ROR2: variants seen among roughly 807,000 people sequenced by gnomAD.
ROR2 encodes ROR family WNT receptor 2.
ROR2 carries 33 observed loss-of-function variants against 74.9 expected under a neutral mutation model. The ratio of observed to expected loss-of-function variants is 0.44; its 90% CI spans 0.33 to 0.59. ROR2 has a LOEUF of 0.59. ROR2 is among the 20% of genes least tolerant of loss of function. The pLI is 0.02. For missense variants in ROR2, 1,216 were observed against 1,313.8 expected (o/e 0.93, Z 1.15); for synonymous variants, 586 against 558.7 (o/e 1.05, Z -0.69).
intron 1 of ROR2, among the ~76,000 whole-genome samples, chr9:91,815,546 A>T (rs7041224): frequency 6.6e-6 from 1 of 152,174 alleles, no homozygotes; most frequent in Non-Finnish European, 1.5e-5. Flanking sequence ...TGACAGGCAT[A>T]TAGTGAGTTA....
intron 1 of ROR2, among the ~76,000 whole-genome samples, chr9:91,827,722 C>T (rs532718663): frequency 1.3e-5 from 2 of 152,332 alleles, no homozygotes; most frequent in Admixed American, 1.3e-4. Flanking sequence ...TCAGCAGTGT[C>T]TAAGAATATA....
intron 8 of ROR2, among the ~76,000 whole-genome samples, chr9:91,726,051 A>AC (rs1837018405): frequency 6.6e-6 from 1 of 152,024 alleles, no homozygotes; most frequent in South Asian, 2.1e-4. Flanking sequence ...TCAGTGCCCC[A>AC]CCCCCATCTA....
At position 91,948,563 on chromosome 9, in the gene ROR2, AC is replaced by A. The variant is rs374159921; in HGVS notation, c.97+1303del. ...GTAATCAACATCTGCTTAAACTAAA[AC>A]CCCCCCCCAGGAAAGACTGTGCAGC... On this transcript the variant is annotated intron_variant, in intron 1 of 8. Coordinates refer to ENST00000375708, the MANE Select transcript of ROR2 (RefSeq NM_004560.4). 2.3e-4 allele frequency: 224 copies of A among 967,772 alleles called. 1 individual carries two copies. The highest frequency in any genetic ancestry group is 1.6e-3 in the East Asian group (14 of 8,704). The allele number at this position is 967,772 out of a possible 1,614,324, so 59.9% of individuals were successfully genotyped here.
chr9:91,873,311 G>A (rs1345536084), intron 1 of ROR2, among the ~76,000 whole-genome samples: 1 of 152,258 alleles, frequency 6.6e-6, no homozygotes, highest in Non-Finnish European at 1.5e-5. Flanking sequence ...GCTGGGCATG[G>A]TGGCTCACGC....
intron 2 of ROR2, among the ~76,000 whole-genome samples, chr9:91,770,177 G>A (rs776563328): frequency 1.4e-4 from 22 of 152,216 alleles, no homozygotes; most frequent in Non-Finnish European, 2.6e-4. Flanking sequence ...TGGTGGCCCT[G>A]GGGACTGCAC....
At chr9:91,808,096 C>T (rs189323067) in intron 1 of ROR2, among the ~76,000 whole-genome samples, 8 of 149,022 alleles carry the variant, frequency 5.4e-5, no homozygotes, top group Non-Finnish European at 8.8e-5. Flanking sequence ...AAACACTAAG[C>T]GGAATGCTTT....
intron 1 of ROR2, 73 bp downstream of exon 1, chr9:91,949,794 A>C: frequency 1.0e-6 from 1 of 952,428 alleles, no homozygotes; most frequent in Non-Finnish European, 1.6e-6. Flanking sequence ...CCGGGAGCAT[A>C]GTGGCGGCGG....
intron 1 of ROR2, among the ~76,000 whole-genome samples, chr9:91,796,782 C>G (rs1827191894): frequency 7.4e-6 from 1 of 134,588 alleles, no homozygotes; most frequent in Non-Finnish European, 1.5e-5. Context: ...GGGCTGACAC[C>G]CTGGGCTCTG....
At chr9:91,893,948 T>C (rs1213522994) in intron 1 of ROR2, among the ~76,000 whole-genome samples, 1 of 152,242 alleles carries the variant, frequency 6.6e-6, no homozygotes, top group Non-Finnish European at 1.5e-5. Flanking sequence ...TTCTTTTCAC[T>C]TTGCACAACT....
intron 1 of ROR2, among the ~76,000 whole-genome samples, chr9:91,856,726 T>TA (rs939648288): frequency 6.6e-6 from 1 of 152,190 alleles, no homozygotes; most frequent in African/African-American, 2.4e-5. Flanking sequence ...CTGGGGTACT[T>TA]ACGGCAGACT....
intron 1 of ROR2, among the ~76,000 whole-genome samples, chr9:91,806,821 C>T (rs1003155434): frequency 2.0e-5 from 3 of 152,178 alleles, no homozygotes; most frequent in African/African-American, 7.2e-5. Context: ...GATCTCCTGA[C>T]CTTGTGATCC....
intron 1 of ROR2, among the ~76,000 whole-genome samples, chr9:91,842,382 T>C (rs532173375): frequency 6.6e-6 from 1 of 152,308 alleles, no homozygotes; most frequent in South Asian, 2.1e-4. Context: ...ATCCTCACAA[T>C]GACCCCATCA....
At chr9:91,749,865 A>C (rs1825547094) in intron 4 of ROR2, among the ~76,000 whole-genome samples, 1 of 152,198 alleles carries the variant, frequency 6.6e-6, no homozygotes, top group Non-Finnish European at 1.5e-5. Context: ...ATATACCTAG[A>C]AATTATTTTG....
At position 91,733,408 on chromosome 9, in the gene ROR2, C is replaced by T. The variant is rs1459117062; in HGVS notation, c.651G>A (p.Thr217=). The T allele has an allele frequency of 7.4e-6, 12 of 1,611,320 alleles. No homozygotes were observed. The highest frequency in any genetic ancestry group is 1.7e-5 in the Admixed American group (1 of 59,994). Residue 217 remains threonine (T), a synonymous_variant, in exon 6 of 9, where the codon ACG becomes ACA. Coordinates refer to ENST00000375708, the MANE Select transcript of ROR2 (RefSeq NM_004560.4). The surrounding 1 kb of genome is among the most constrained non-coding windows in gnomAD (Gnocchi z 5.7). The stretch of plus-strand genomic sequence containing the variant: ...ACTGTGAGCACTGGTCCGACAGGTG[C>T]GTAGACGTGCCGATCATGGTGAAGG... ...TAAFTMIGTS[T]HLSDQCSQFA... is the part of the protein sequence containing the mutation.
chr9:91,781,477 A>G (rs896911385), intron 1 of ROR2, among the ~76,000 whole-genome samples: 7 of 152,242 alleles, frequency 4.6e-5, no homozygotes, highest in Non-Finnish European at 7.3e-5. Flanking sequence ...GGAGCAGCGT[A>G]TAAAGTCCCG....
intron 2 of ROR2, among the ~76,000 whole-genome samples, chr9:91,764,554 T>TCACA (rs1354885118): frequency 7.9e-6 from 1 of 125,812 alleles, no homozygotes. Context: ...TGAGCTATAA[T>TCACA]CACTTACACA....
chr9:91,807,239 G>A (rs1189815615), intron 1 of ROR2, among the ~76,000 whole-genome samples: 1 of 152,180 alleles, frequency 6.6e-6, no homozygotes, highest in Non-Finnish European at 1.5e-5. Context: ...AAGCCTCCAT[G>A]AAAGGCCCAA....
At chr9:91,735,482 G>T (rs1824986771) in intron 5 of ROR2, among the ~76,000 whole-genome samples, 1 of 152,146 alleles carries the variant, frequency 6.6e-6, no homozygotes, top group Non-Finnish European at 1.5e-5. Context: ...CTTGTGCCCT[G>T]GATCAGTGCT....
intron 1 of ROR2, among the ~76,000 whole-genome samples, chr9:91,874,890 G>A (rs188664244): frequency 3.3e-5 from 5 of 150,620 alleles, no homozygotes; most frequent in African/African-American, 7.3e-5. Context: ...AGCTGAGATC[G>A]CCATTGCACT....
Sources: allele counts gnomAD v4.1 joint callset (sites outside exome capture counted in the v4.1 genomes callset), GRCh38; gene constraint gnomAD v4.1.1; non-coding constraint Gnocchi (gnomAD v3.1); transcripts MANE v1.5; gene names NCBI Gene and HGNC (gene_info 2026-07-23, HGNC 2026-07-21).